MCU: variants seen among roughly 807,000 people sequenced by gnomAD.
The protein encoded by MCU is mitochondrial calcium uniporter.
Under a neutral mutation model 45.2 loss-of-function variants are expected in MCU, and 12 were observed. That is an observed-to-expected ratio of 0.27 (90% CI 0.17 to 0.43). The LOEUF is 0.43. MCU is among the 20% of genes least tolerant of loss of function. The pLI is 1.00. For synonymous variants in MCU, 160 were observed against 165.1 expected, an observed-to-expected ratio of 0.97 and a Z score of 0.24; for missense variants, 324 against 436.7, an observed-to-expected ratio of 0.74 and a Z score of 2.30.
intron 1 of MCU, among the ~76,000 whole-genome samples, chr10:72,823,735 T>C (rs962708106): frequency 6.6e-6 from 1 of 152,116 alleles, no homozygotes; most frequent in African/African-American, 2.4e-5. Flanking sequence ...TCAAAATTGG[T>C]GCATTTGTAT....
At position 72,799,660 on chromosome 10, in the gene MCU, G is replaced by C. The variant is rs1844308915; in HGVS notation, c.151-34699G>C. Among the ~76,000 whole-genome samples the C allele has an allele frequency of 2.0e-5, 3 of 151,622 alleles. No individual in the cohort carries two copies. In the South Asian group the frequency reaches 6.2e-4, roughly 32 times the overall value. On this transcript the variant is annotated intron_variant, in intron 1 of 7. Transcript: ENST00000373053. ...GTAAACAGAATTTTTGGGGCTAAGA[G>C]TTCACATTAGATACTGCTAAATCTC...
At chr10:72,727,221 G>A (rs1455476945) in intron 1 of MCU, among the ~76,000 whole-genome samples, 1 of 152,168 alleles carries the variant, frequency 6.6e-6, no homozygotes, top group Non-Finnish European at 1.5e-5. Context: ...GTGGGTAGCT[G>A]CTGTAGTTTT....
chr10:72,763,467 A>G (rs1286542599), intron 1 of MCU, among the ~76,000 whole-genome samples: 3 of 152,126 alleles, frequency 2.0e-5, no homozygotes, highest in African/African-American at 7.2e-5. Flanking sequence ...GAGCTACATG[A>G]GTATATATAG....
At chr10:72,816,519 A>G (rs1047095635) in intron 1 of MCU, among the ~76,000 whole-genome samples, 2 of 152,198 alleles carry the variant, frequency 1.3e-5, no homozygotes, top group Non-Finnish European at 2.9e-5. Flanking sequence ...AGTGGCTCAC[A>G]CATAATCCCA....
chr10:72,825,054 A>G (rs556892451), intron 1 of MCU, among the ~76,000 whole-genome samples: 4 of 152,294 alleles, frequency 2.6e-5, no homozygotes, highest in Admixed American at 6.5e-5. Flanking sequence ...TTTTTTCTGT[A>G]CTGATCTTTT....
intron 1 of MCU, among the ~76,000 whole-genome samples, chr10:72,740,971 TAATA>T (rs1463451450): frequency 1.3e-5 from 2 of 152,200 alleles, no homozygotes; most frequent in African/African-American, 4.8e-5. Flanking sequence ...AACAATATAT[TAATA>T]TTTACTTAGT....
At chr10:72,726,179 C>G (rs962811196) in intron 1 of MCU, among the ~76,000 whole-genome samples, 22 of 151,934 alleles carry the variant, frequency 1.4e-4, no homozygotes, top group African/African-American at 4.6e-4. Flanking sequence ...GAATCGTAGG[C>G]ATTGGCCGTG....
In MCU at chr10:72,834,598, G is replaced by T. The variant is rs567320321; in HGVS notation, c.220+170G>T. Among the ~76,000 whole-genome samples, 3 of 152,318 alleles carry T rather than the reference G, an allele frequency of 2.0e-5. No homozygotes were observed. The South Asian group carries it at 6.2e-4, about 32-fold the overall frequency. Reference sequence around the variant, plus strand: ...AAAATAAAATTTGGATGAGAATCTAGTGAGTTTAGAGAAGAAACCAAGAAG... The same window carrying T: ...AAAATAAAATTTGGATGAGAATCTATTGAGTTTAGAGAAGAAACCAAGAAG... On this transcript the variant is annotated intron_variant, in intron 2 of 7. Transcript: ENST00000373053.
At chr10:72,743,412 C>CAA (rs374429962) in intron 1 of MCU, among the ~76,000 whole-genome samples, 22,642 of 73,182 alleles carry the variant, frequency 0.31, 5,025 homozygotes, top group Non-Finnish European at 0.41. Context: ...TACTCCATCT[C>CAA]AAAAAAAAAA....
At chr10:72,820,344 G>A (rs1335967006) in intron 1 of MCU, among the ~76,000 whole-genome samples, 1 of 151,986 alleles carries the variant, frequency 6.6e-6, no homozygotes, top group African/African-American at 2.4e-5. Flanking sequence ...CAGCTTAATT[G>A]TTGGAAGGAA....
chr10:72,709,042 G>T (rs1166372630), intron 1 of MCU, among the ~76,000 whole-genome samples: 1 of 152,042 alleles, frequency 6.6e-6, no homozygotes, highest in African/African-American at 2.4e-5. Flanking sequence ...TTGATACAGT[G>T]GCATCTACCT....
intron 1 of MCU, among the ~76,000 whole-genome samples, chr10:72,802,599 G>A (rs1462515760): frequency 6.6e-6 from 1 of 152,164 alleles, no homozygotes; most frequent in East Asian, 1.9e-4. Flanking sequence ...CCATTGGATA[G>A]CCACTGCTCT....
intron 1 of MCU, among the ~76,000 whole-genome samples, chr10:72,793,214 A>G (rs552835880): frequency 6.6e-6 from 1 of 152,242 alleles, no homozygotes; most frequent in South Asian, 2.1e-4. Flanking sequence ...GCCACAATAT[A>G]GCTAGGTACC....
chr10:72,783,240 A>G (rs1029406580), intron 1 of MCU, among the ~76,000 whole-genome samples: 2 of 152,220 alleles, frequency 1.3e-5, no homozygotes, highest in Non-Finnish European at 2.9e-5. Flanking sequence ...GTTACATTAT[A>G]TGTAGAGCCT....
chr10:72,844,875 A>G (rs1845097578), intron 2 of MCU, among the ~76,000 whole-genome samples: 1 of 152,170 alleles, frequency 6.6e-6, no homozygotes, highest in African/African-American at 2.4e-5. Context: ...GCAGAGTTAT[A>G]CCATGTTAAT....
At chr10:72,805,105 T>TCTC (rs1844415685) in intron 1 of MCU, among the ~76,000 whole-genome samples, 4 of 91,586 alleles carry the variant, frequency 4.4e-5, no homozygotes, top group African/African-American at 2.0e-4. Flanking sequence ...TTCTTTCTCT[T>TCTC]TCTTTCTTTC....
intron 1 of MCU, among the ~76,000 whole-genome samples, chr10:72,817,756 A>G (rs1019536395): frequency 5.9e-5 from 9 of 152,208 alleles, no homozygotes; most frequent in Non-Finnish European, 1.2e-4. Context: ...AGTTTAGTTC[A>G]ACAAGTATTT....
At chr10:72,717,008 G>T (rs1434269643) in intron 1 of MCU, among the ~76,000 whole-genome samples, 1 of 152,086 alleles carries the variant, frequency 6.6e-6, no homozygotes, top group Admixed American at 6.6e-5. Flanking sequence ...AAATCAGAGG[G>T]TAGGTCTCCT....
chr10:72,752,859 G>A (rs572260570), intron 1 of MCU, among the ~76,000 whole-genome samples: 24 of 152,298 alleles, frequency 1.6e-4, no homozygotes, highest in African/African-American at 5.5e-4. Context: ...TCTTAAAGAA[G>A]CAAGGTCAAA....
Sources: gnomAD v4.1 joint callset for allele counts (sites outside exome capture counted in the v4.1 genomes callset) on GRCh38, gnomAD v4.1.1 for gene constraint, MANE v1.5 for transcripts, NCBI Gene and HGNC (gene_info 2026-07-23, HGNC 2026-07-21) for gene names.